SLC10A7: variants seen among roughly 807,000 people sequenced by gnomAD.
SLC10A7 encodes the protein solute carrier family 10 member 7, also known as sodium/bile acid cotransporter 7.
Under a neutral mutation model 43.2 loss-of-function variants are expected in SLC10A7, and 29 were observed. The observed-to-expected ratio is 0.67, with a 90% CI of 0.50 to 0.92. The LOEUF is 0.92. Among genes scored for constraint, SLC10A7 ranks in the 40% least tolerant of loss-of-function variants. The pLI, the probability that SLC10A7 is intolerant of heterozygous loss-of-function variation, is 0.00. For missense variants in SLC10A7, 295 were observed against 403.2 expected (o/e 0.73, Z 2.30); for synonymous variants, 152 against 144.8 (o/e 1.05, Z -0.35).
chr4:146,514,361 T>C (rs1281908685), intron 2 of SLC10A7: 1 of 152,192 alleles, frequency 6.6e-6, no homozygotes, highest in Non-Finnish European at 1.5e-5. Flanking sequence ...TTTAAACAAA[T>C]TCGCCCTGCC....
chr4:146,277,648 A>G (rs1269047039), intron 10 of SLC10A7, among the ~76,000 whole-genome samples: 1 of 152,174 alleles, frequency 6.6e-6, no homozygotes, highest in Non-Finnish European at 1.5e-5. Context: ...ATTGCATGAC[A>G]GGAATATATT....
chr4:146,410,469 A>C (rs1728108616), intron 5 of SLC10A7, among the ~76,000 whole-genome samples: 1 of 152,218 alleles, frequency 6.6e-6, no homozygotes, highest in South Asian at 2.1e-4. Context: ...GAAAGTAGAC[A>C]CACATAGACT....
chr4:146,306,102 C>A (rs182292415), intron 6 of SLC10A7, 93 bp from the exon 7 acceptor site: 2 of 1,011,234 alleles, frequency 2.0e-6, no homozygotes, highest in Non-Finnish European at 1.3e-6. Context: ...TTTTCTCAGG[C>A]GCACCAAAAA....
At chr4:146,274,161 T>TG (rs1729063971) in intron 10 of SLC10A7, among the ~76,000 whole-genome samples, 1 of 151,888 alleles carries the variant, frequency 6.6e-6, no homozygotes, top group African/African-American at 2.4e-5. Context: ...CTAGGTATTT[T>TG]GGGCACTAAA....
chr4:146,496,957 T>C (rs1735955456), intron 4 of SLC10A7, among the ~76,000 whole-genome samples: 1 of 152,224 alleles, frequency 6.6e-6, no homozygotes, highest in Admixed American at 6.5e-5. Context: ...GAATACTGTA[T>C]TCTATTTCTA....
intron 6 of SLC10A7, among the ~76,000 whole-genome samples, chr4:146,311,770 G>T (rs1013040799): frequency 2.0e-5 from 3 of 152,044 alleles, no homozygotes; most frequent in South Asian, 2.1e-4. Flanking sequence ...AGGGAAGAAG[G>T]CTTGCTTACT....
chr4:146,456,420 C>T (rs751299503), intron 4 of SLC10A7, among the ~76,000 whole-genome samples: 2 of 151,854 alleles, frequency 1.3e-5, no homozygotes, highest in Non-Finnish European at 2.9e-5. Flanking sequence ...AACTCAGTCC[C>T]CCACAGAATT....
At chr4:146,485,169 T>C (rs1734805928) in intron 4 of SLC10A7, among the ~76,000 whole-genome samples, 1 of 152,188 alleles carries the variant, frequency 6.6e-6, no homozygotes, top group Non-Finnish European at 1.5e-5. Context: ...GGAGAATTAT[T>C]TGTACAGAGT....
At chr4:146,260,380 T>A (rs1728149676) in intron 10 of SLC10A7, among the ~76,000 whole-genome samples, 1 of 152,048 alleles carries the variant, frequency 6.6e-6, no homozygotes, top group Non-Finnish European at 1.5e-5. Context: ...GTGGAGTAAA[T>A]GTGAGGCTAA....
chr4:146,289,142 C>T (rs898515284), intron 9 of SLC10A7, among the ~76,000 whole-genome samples: 11 of 152,292 alleles, frequency 7.2e-5, no homozygotes, highest in African/African-American at 2.4e-4. Context: ...AGACCTCTTC[C>T]GTCATTAGCT....
chr4:146,401,305 T>A (rs879539344), intron 5 of SLC10A7, among the ~76,000 whole-genome samples: 1 of 152,190 alleles, frequency 6.6e-6, no homozygotes, highest in Admixed American at 6.5e-5. Context: ...CCCCAAATTA[T>A]GGTTACTATC....
intron 10 of SLC10A7, among the ~76,000 whole-genome samples, chr4:146,274,791 G>A: frequency 6.6e-6 from 1 of 152,118 alleles, no homozygotes; most frequent in Non-Finnish European, 1.5e-5. Context: ...ACAATACTTA[G>A]TAGTATGTCA....
intron 4 of SLC10A7, among the ~76,000 whole-genome samples, chr4:146,480,260 A>C (rs779545032): frequency 6.6e-6 from 1 of 152,094 alleles, no homozygotes; most frequent in Non-Finnish European, 1.5e-5. Flanking sequence ...AATTATATTC[A>C]GTGTAGTTCC....
At chr4:146,306,157 T>G (rs1731556461) in intron 6 of SLC10A7, 148 bp from the exon 7 acceptor site, 1 of 527,464 alleles carries the variant, frequency 1.9e-6, no homozygotes. Flanking sequence ...CCTCTAATTT[T>G]CTAAGTTCAA....
At chr4:146,485,045 A>G (rs1239826360) in intron 4 of SLC10A7, among the ~76,000 whole-genome samples, 1 of 152,212 alleles carries the variant, frequency 6.6e-6, no homozygotes, top group Non-Finnish European at 1.5e-5. Flanking sequence ...ATTTTCTACT[A>G]TCCCACCTCA....
chr4:146,327,026 C>G (rs190995840), intron 5 of SLC10A7, among the ~76,000 whole-genome samples: 17 of 151,838 alleles, frequency 1.1e-4, no homozygotes, highest in African/African-American at 3.6e-4. Flanking sequence ...TATATCCAGA[C>G]AGTGTCCAAG....
chr4:146,362,772 GT>G (rs1223758141), intron 5 of SLC10A7, among the ~76,000 whole-genome samples: 1 of 151,742 alleles, frequency 6.6e-6, no homozygotes, highest in East Asian at 1.9e-4. Flanking sequence ...TTTTTTCTTT[GT>G]GATTAAAGTT....
intron 10 of SLC10A7, among the ~76,000 whole-genome samples, chr4:146,281,540 G>C (rs1349824358): frequency 6.6e-6 from 1 of 151,974 alleles, no homozygotes; most frequent in Non-Finnish European, 1.5e-5. Context: ...AGGCTCATTC[G>C]ATCCCTGCAC....
intron 2 of SLC10A7, among the ~76,000 whole-genome samples, chr4:146,511,232 G>A (rs1379400976): frequency 1.3e-5 from 2 of 152,282 alleles, no homozygotes; most frequent in Non-Finnish European, 2.9e-5. Flanking sequence ...AGGATAATTA[G>A]TTAACCTCTA....
Sources: gnomAD v4.1 joint callset for allele counts (sites outside exome capture counted in the v4.1 genomes callset) on GRCh38, gnomAD v4.1.1 for gene constraint, MANE v1.5 for transcripts, NCBI Gene and HGNC (gene_info 2026-07-23, HGNC 2026-07-21) for gene names.